The following CADM2 variants were observed in gnomAD, a reference collection of about 807,000 sequenced individuals.
The protein encoded by CADM2 is immunoglobulin superfamily member 4D.
A neutral mutation model predicts 49.8 loss-of-function variants in CADM2; 12 were observed. That is an observed-to-expected ratio of 0.24 (90% CI 0.15 to 0.39). The LOEUF is 0.39. Among genes scored for constraint, CADM2 ranks in the 10% least tolerant of loss-of-function variants. The pLI is 1.00. For synonymous variants in CADM2, 214 were observed against 175.4 expected, an observed-to-expected ratio of 1.22 and a Z score of -1.74; for missense variants, 378 against 492.3, an observed-to-expected ratio of 0.77 and a Z score of 2.20.
intron 8 of CADM2, among the ~76,000 whole-genome samples, chr3:86,032,743 T>C (rs1204320692): frequency 6.6e-6 from 1 of 151,954 alleles, no homozygotes; most frequent in Non-Finnish European, 1.5e-5. Context: ...TTAGAACTTA[T>C]AATTTGACAG....
chr3:85,539,218 T>G (rs1450425725), intron 1 of CADM2, among the ~76,000 whole-genome samples: 2 of 148,538 alleles, frequency 1.3e-5, no homozygotes, highest in Admixed American at 1.4e-4. Context: ...CCAAGTAGAC[T>G]GACACATAAG....
chr3:85,721,711 C>A (rs1490403822), intron 1 of CADM2, among the ~76,000 whole-genome samples: 1 of 152,202 alleles, frequency 6.6e-6, no homozygotes, highest in Non-Finnish European at 1.5e-5. Context: ...CTAGGAACTG[C>A]AGGGCCCCAA....
intron 8 of CADM2, among the ~76,000 whole-genome samples, chr3:86,042,722 C>G (rs1736112783): frequency 6.6e-6 from 1 of 152,158 alleles, no homozygotes; most frequent in Non-Finnish European, 1.5e-5. Context: ...CTCCCTAACT[C>G]ATTTTATGAG....
rs1291411446 is a variant in CADM2, at chr3:85,099,373, A to G, written c.61+139705A>G. Among the ~76,000 whole-genome samples the G allele has an allele frequency of 2.6e-5, 4 of 152,226 alleles. No homozygotes were observed. The East Asian group carries it at 7.7e-4, about 29-fold the overall frequency. On this transcript the variant is annotated intron_variant, in intron 1 of 9. Coordinates refer to ENST00000383699, the MANE Select transcript of CADM2 (RefSeq NM_001167675.2). Reference sequence around the variant, plus strand: ...TACATCTGGATATTTCTCTGAAAGCATAATATGAATAATATAATAAAAGGA... The same window carrying G: ...TACATCTGGATATTTCTCTGAAAGCGTAATATGAATAATATAATAAAAGGA...
In CADM2 at chr3:85,595,997, A is replaced by AT. The variant is rs1002779852; in HGVS notation, c.62-130519dup. Among the ~76,000 whole-genome samples, 22 of 151,880 alleles carry AT rather than the reference A, an allele frequency of 1.4e-4. 1 individual carries two copies. The highest frequency in any genetic ancestry group is 6.8e-3 in the Middle Eastern group (2 of 294). On this transcript the variant is annotated intron_variant, in intron 1 of 9. Coordinates refer to ENST00000383699, the MANE Select transcript of CADM2 (RefSeq NM_001167675.2). Reference sequence around the variant, plus strand: ...AATCACCATACCAAATATGTCATGTATTTTTTCTTCACCCTAAAGTAAGTT... The same window carrying AT: ...AATCACCATACCAAATATGTCATGTATTTTTTTCTTCACCCTAAAGTAAGTT...
At chr3:85,461,659 TATG>T (rs58545525) in intron 1 of CADM2, among the ~76,000 whole-genome samples, 79,599 of 151,660 alleles carry the variant, frequency 0.52, 23,004 homozygotes, top group East Asian at 0.83. Context: ...AGCTGGGCTT[TATG>T]ATAACCTTTC....
At chr3:85,574,671 T>G (rs2062578148) in intron 1 of CADM2, among the ~76,000 whole-genome samples, 1 of 152,334 alleles carries the variant, frequency 6.6e-6, no homozygotes. Context: ...ATTCCAACTC[T>G]GTAAAATGTA....
intron 1 of CADM2, among the ~76,000 whole-genome samples, chr3:85,375,413 G>A (rs1303939095): frequency 6.6e-6 from 1 of 152,014 alleles, no homozygotes; most frequent in African/African-American, 2.4e-5. Flanking sequence ...GAGGTCCCAG[G>A]GAAACCCTGA....
At chr3:85,949,775 T>C (rs940821620) in intron 7 of CADM2, among the ~76,000 whole-genome samples, 9 of 151,120 alleles carry the variant, frequency 6.0e-5, no homozygotes, top group Non-Finnish European at 1.2e-4. Context: ...AGTATAATGA[T>C]AACACAGTGT....
At chr3:85,030,789 T>C (rs972421028) in intron 1 of CADM2, among the ~76,000 whole-genome samples, 15 of 152,252 alleles carry the variant, frequency 9.9e-5, no homozygotes, top group Admixed American at 7.8e-4. Context: ...TGAATTAAGT[T>C]CTCTTTTCTG....
intron 1 of CADM2, among the ~76,000 whole-genome samples, chr3:85,420,558 G>A (rs1425093260): frequency 6.6e-6 from 1 of 152,128 alleles, no homozygotes; most frequent in African/African-American, 2.4e-5. Flanking sequence ...TATGCTCCAT[G>A]GCAAAATCAG....
intron 3 of CADM2, among the ~76,000 whole-genome samples, chr3:85,808,956 A>G (rs1020182033): frequency 2.6e-5 from 4 of 152,204 alleles, no homozygotes; most frequent in Non-Finnish European, 5.9e-5. Context: ...ATGCCAATCC[A>G]TGCCACCTGA....
chr3:85,396,447 A>G (rs2034795812), intron 1 of CADM2, among the ~76,000 whole-genome samples: 1 of 152,048 alleles, frequency 6.6e-6, no homozygotes, highest in Non-Finnish European at 1.5e-5. Context: ...ATTGGTAAAT[A>G]TAATTGCTTA....
intron 1 of CADM2, among the ~76,000 whole-genome samples, chr3:85,513,524 T>C (rs556972867): frequency 1.3e-4 from 20 of 152,010 alleles, no homozygotes; most frequent in Non-Finnish European, 2.7e-4. Flanking sequence ...TATGAATACG[T>C]GCTTTTACCC....
intron 6 of CADM2, among the ~76,000 whole-genome samples, chr3:85,919,100 C>A (rs1318177863): frequency 6.6e-6 from 1 of 151,904 alleles, no homozygotes; most frequent in Non-Finnish European, 1.5e-5. Context: ...CATTTTAATA[C>A]TGTAACTAAG....
At chr3:85,754,783 CA>C (rs2069028476) in intron 2 of CADM2, among the ~76,000 whole-genome samples, 1 of 151,406 alleles carries the variant, frequency 6.6e-6, no homozygotes, top group Admixed American at 6.6e-5. Context: ...ATGACTGTCT[CA>C]ATTTTTTTAA....
intron 8 of CADM2, among the ~76,000 whole-genome samples, chr3:85,995,860 C>T (rs1404752772): frequency 4.6e-5 from 7 of 151,960 alleles, no homozygotes; most frequent in Admixed American, 2.0e-4. Flanking sequence ...GAGGCCAAGG[C>T]GGGTGGATCA....
In CADM2 at chr3:85,930,892, GTTAA is replaced by G. The variant is rs762158859; in HGVS notation, c.701-4865_701-4862del. Among the ~76,000 whole-genome samples, 189 of 149,398 alleles carry G rather than the reference GTTAA, an allele frequency of 1.3e-3. 1 individual carries two copies. The highest frequency in any genetic ancestry group is 1.7e-3 in the Non-Finnish European group (117 of 67,446). On this transcript the variant is annotated intron_variant, in intron 6 of 9. Transcript: ENST00000383699. Reference sequence around the variant, plus strand: ...CTTAAATATTTAAGATTAATTATATGTTAATTAATTAATATATTAATAATTATAT... The same window carrying G: ...CTTAAATATTTAAGATTAATTATATGTTAATTAATATATTAATAATTATAT...
intron 1 of CADM2, among the ~76,000 whole-genome samples, chr3:85,715,350 C>T (rs1314754346): frequency 1.3e-5 from 2 of 152,060 alleles, no homozygotes; most frequent in African/African-American, 4.8e-5. Context: ...AGTTTGCATG[C>T]ATTTAATCAG....
Sources: gnomAD v4.1 joint callset for allele counts (sites outside exome capture counted in the v4.1 genomes callset) on GRCh38, gnomAD v4.1.1 for gene constraint, MANE v1.5 for transcripts, NCBI Gene and HGNC (gene_info 2026-07-23, HGNC 2026-07-21) for gene names.